Variants in ADGRF1 observed in about 807,000 individuals in gnomAD.
ADGRF1 encodes adhesion G protein-coupled receptor F1.
A neutral mutation model predicts 87.2 loss-of-function variants in ADGRF1; 85 were observed. The ratio of observed to expected loss-of-function variants is 0.97; its 90% confidence interval spans 0.82 to 1.17. ADGRF1 has a LOEUF of 1.17. Ranked by LOEUF, ADGRF1 falls within the 50% of genes most tolerant of loss-of-function variation. ADGRF1 has a pLI of 0.00. For synonymous variants in ADGRF1, 430 were observed against 408.8 expected, an observed-to-expected ratio of 1.05 and a Z score of -0.63; for missense variants, 1,169 against 1,077.2, an observed-to-expected ratio of 1.09 and a Z score of -1.19.
intron 1 of ADGRF1, among the ~76,000 whole-genome samples, chr6:47,032,128 G>A (rs1441793593): frequency 6.6e-6 from 1 of 152,118 alleles, no homozygotes; most frequent in African/African-American, 2.4e-5. Context: ...GCGGCTGAGG[G>A]AGAGGTTGTG....
At chr6:47,020,656 A>G in intron 7 of ADGRF1, 75 bp downstream of exon 7, 1 of 1,593,228 alleles carries the variant, frequency 6.3e-7, no homozygotes, top group Non-Finnish European at 8.6e-7. Flanking sequence ...GGGTCACCTA[A>G]AAACAGCACT....
intron 13 of ADGRF1, 125 bp from the exon 14 acceptor site, chr6:47,001,692 T>C: frequency 2.8e-6 from 2 of 713,054 alleles, no homozygotes; most frequent in Non-Finnish European, 4.6e-6. Context: ...TATTCTCTTT[T>C]TAAGAATTTA....
chr6:47,020,622 T>C lies in ADGRF1; in HGVS notation c.611+109A>G, dbSNP rs867541880. 1.2e-5 allele frequency: 19 copies of C among 1,563,470 alleles called. No homozygotes were observed. The South Asian group carries it at 2.2e-4, about 19-fold the overall frequency. ...CTTAGTAAAAATCCTACTATAAAGA[T>C]GACTTCTGTCCTGTTTTCTGTCAGG... On this transcript the variant is annotated intron_variant, in intron 7 of 14. Transcript: ENST00000371253.
chr6:47,027,286 T>C (rs1200175308), intron 3 of ADGRF1, among the ~76,000 whole-genome samples: 1 of 152,200 alleles, frequency 6.6e-6, no homozygotes, highest in African/African-American at 2.4e-5. Flanking sequence ...TATTGCATGG[T>C]ATAAAAGCTA....
At chr6:47,040,823 T>G (rs1234229428) in intron 1 of ADGRF1, among the ~76,000 whole-genome samples, 2 of 152,244 alleles carry the variant, frequency 1.3e-5, no homozygotes, top group African/African-American at 2.4e-5. Context: ...ATTCCTTTAG[T>G]TGTGTAATGA....
chr6:47,009,073 G>A lies in ADGRF1; in HGVS notation c.2362C>T (p.Arg788Cys), dbSNP rs368956326. 1.7e-5 allele frequency: 28 copies of A among 1,614,040 alleles called. No homozygotes were observed. Among genetic ancestry groups the A allele is most frequent in the Middle Eastern group, 1.7e-4 (1 of 6,060 alleles). Residue 788 changes from arginine to cysteine, a missense_variant, in exon 11 of 15, where the codon CGC (arginine) becomes TGC (cysteine). By Grantham distance (180) the Arg-to-Cys change is radical (BLOSUM62 -3). Transcript: ENST00000371253. ...AGAATGAGGAGGCTCTTCCCCACGC[G>A]GATGATGGTGGCCTTGTCATCCCGA... The part of the protein sequence containing the change: ...LSRDDKATII[R>C]VGKSLLILTP...
intron 9 of ADGRF1, chr6:47,012,557 A>G: frequency 2.8e-6 from 2 of 711,420 alleles, no homozygotes; most frequent in South Asian, 5.7e-5. Flanking sequence ...CATATAAATT[A>G]TTATCTTAAT....
Position 47,020,792 on chromosome 6 carries a change from T to C in ADGRF1, c.553-3A>G, listed in dbSNP as rs745629564. 5.0e-6 allele frequency: 8 copies of C among 1,612,778 alleles called. No homozygotes were observed. The highest frequency in any genetic ancestry group is 1.6e-4 in the Middle Eastern group (1 of 6,062). On this transcript the variant is annotated splice_polypyrimidine_tract_variant and splice_region_variant and intron_variant, in intron 6 of 14. Coordinates refer to ENST00000371253, the MANE Select transcript of ADGRF1 (RefSeq NM_153840.4). Reference sequence around the variant, plus strand: ...ATTCTTTCATATGCTTTTTTAAGCTTAGAAAGAGAACAAAGAACAATGTGT... The same window carrying C: ...ATTCTTTCATATGCTTTTTTAAGCTCAGAAAGAGAACAAAGAACAATGTGT...
At chr6:47,012,621 C>A (rs769801618) in intron 9 of ADGRF1, 33 of 985,054 alleles carry the variant, frequency 3.4e-5, no homozygotes, top group Non-Finnish European at 4.0e-5. Flanking sequence ...GAGCACTCAG[C>A]GGAAAATGTT....
intron 1 of ADGRF1, among the ~76,000 whole-genome samples, chr6:47,038,295 A>C (rs1780648576): frequency 6.6e-6 from 1 of 152,252 alleles, no homozygotes; most frequent in Non-Finnish European, 1.5e-5. Context: ...GGGACGAAAT[A>C]AGTAAATATT....
intron 13 of ADGRF1, 62 bp downstream of exon 13, chr6:47,005,755 A>G (rs535671706): frequency 3.2e-6 from 4 of 1,233,892 alleles, no homozygotes; most frequent in East Asian, 2.3e-5. Context: ...AAGACTGTAT[A>G]AAGAGAAGAA....
rs1466260979 is a variant in ADGRF1 at position 47,013,402 on chromosome 6, G to A, written c.928-1207C>T. ...GAAACTGAGATCCACAAAGGGAGAAGTAAACATTCCACAGTCCTCTGATGA... is the reference window on the plus strand; with the variant it reads ...GAAACTGAGATCCACAAAGGGAGAAATAAACATTCCACAGTCCTCTGATGA... On this transcript the variant is annotated intron_variant, in intron 9 of 14. Transcript: ENST00000371253. 5 of 985,328 alleles carry A rather than the reference G, an allele frequency of 5.1e-6. No individual in the cohort carries two copies. The African/African-American group carries it at 7.0e-5, about 14-fold the overall frequency. The allele number at this position is 985,328 out of a possible 1,614,324, so 61.0% of individuals were successfully genotyped here. A position where few individuals can be genotyped will look rare whatever the true frequency, so the allele number is the denominator to read the frequency against.
At chr6:47,016,494 C>A in intron 8 of ADGRF1, 123 bp downstream of exon 8, 1 of 1,104,462 alleles carries the variant, frequency 9.1e-7, no homozygotes, top group South Asian at 2.1e-5. Flanking sequence ...CCTGTTTGTG[C>A]TGAAAGGCAG....
In ADGRF1 at chr6:47,025,895, G is replaced by A. The variant is rs145171156; in HGVS notation, c.236C>T (p.Ser79Leu). ...LKLLKPPLLW[S>L]HGLIRIIRAK... ...TCTGATAATTCTAATTAGCCCATGT[G>A]ACCATAATAATGGAGGCTTCAAGAG... Residue 79 changes from serine (S) to leucine (L), a missense_variant, in exon 4 of 15, where the codon TCA becomes TTA. Ser to Leu is a moderately radical substitution (Grantham distance 145). Transcript: ENST00000371253. 1 of 1,610,914 alleles carries A rather than the reference G, an allele frequency of 6.2e-7. No homozygotes were observed. The highest frequency in any genetic ancestry group is 8.5e-7 in the Non-Finnish European group (1 of 1,178,778).
Position 47,009,446 on chromosome 6 carries a change from A to G in ADGRF1, c.1989T>C (p.Phe663=). The change falls in exon 11 of 15, where the codon TTT becomes TTC. Residue 663 remains phenylalanine, a synonymous_variant. Transcript: ENST00000371253. ...PSGVCTAAVF[F]THFFYLSLFF... is the part of the protein sequence containing the mutation. The stretch of plus-strand genomic sequence containing the variant: ...ACAAAGAGAGGTAGAAGAAGTGTGT[A>G]AAGAACACAGCAGCTGTGCAGACTC... The G allele has an allele frequency of 6.2e-7, 1 of 1,613,960 alleles. No individual in the cohort carries two copies. The highest frequency in any genetic ancestry group is 8.5e-7 in the Non-Finnish European group (1 of 1,179,944).
intron 13 of ADGRF1, 77 bp from the exon 14 acceptor site, chr6:47,001,644 A>G: frequency 9.2e-7 from 1 of 1,083,208 alleles, no homozygotes; most frequent in Non-Finnish European, 1.4e-6. Flanking sequence ...TGACTTCCTG[A>G]TGTTATTCAT....
At chr6:47,014,918 T>C in intron 8 of ADGRF1, 74 bp from the exon 9 acceptor site, 3 of 1,436,584 alleles carry the variant, frequency 2.1e-6, no homozygotes, top group South Asian at 1.6e-5. Context: ...CATGTAGTCA[T>C]GTTCAAATGT....
chr6:47,018,146 A>C (rs1779935379), intron 7 of ADGRF1: 1 of 242,518 alleles, frequency 4.1e-6, no homozygotes, highest in Non-Finnish European at 8.1e-6. Context: ...GGAGACTGTC[A>C]AGTAGGCCGT....
At chr6:47,034,081 C>G (rs1780515446) in intron 1 of ADGRF1, among the ~76,000 whole-genome samples, 1 of 152,134 alleles carries the variant, frequency 6.6e-6, no homozygotes, top group Non-Finnish European at 1.5e-5. Context: ...AGGAAGAGGT[C>G]TGGATGAATT....
Sources: gnomAD v4.1 joint callset for allele counts (sites outside exome capture counted in the v4.1 genomes callset) on GRCh38, gnomAD v4.1.1 for gene constraint, MANE v1.5 for transcripts, NCBI Gene and HGNC (gene_info 2026-07-23, HGNC 2026-07-21) for gene names.